MYH10: variants seen among roughly 807,000 people sequenced by gnomAD.
MYH10 encodes myosin-10.
In MYH10, 55 loss-of-function variants were observed where a neutral mutation model predicts 257.8. That is an observed-to-expected ratio of 0.21 (90% confidence interval 0.17 to 0.27). The LOEUF (loss-of-function observed/expected upper bound fraction) is 0.27. Ranked by LOEUF, MYH10 falls within the 10% of genes least tolerant of loss-of-function variation. The pLI is 1.00. For synonymous variants in MYH10, 854 were observed against 921.7 expected (o/e 0.93, Z 1.33); for missense variants, 1,631 against 2,500.6 (o/e 0.65, Z 7.42).
chr17:8,478,507 T>A, intron 40 of MYH10, 61 bp from the exon 41 acceptor site: 1 of 1,520,648 alleles, frequency 6.6e-7, no homozygotes, highest in Admixed American at 1.7e-5. Context: ...TGGGAAAAAA[T>A]ATTTTTTAAA....
intron 29 of MYH10, among the ~76,000 whole-genome samples, chr17:8,500,618 C>G (rs1003252109): frequency 2.3e-4 from 9 of 38,796 alleles, no homozygotes; most frequent in Admixed American, 7.4e-4. Context: ...GATCCATGCA[C>G]TTGCATCTGG....
chr17:8,530,155 T>C (rs972078259), intron 17 of MYH10, among the ~76,000 whole-genome samples: 1 of 152,188 alleles, frequency 6.6e-6, no homozygotes, highest in Admixed American at 6.5e-5. Flanking sequence ...ATGTAATTAT[T>C]TGTCTACAAA....
chr17:8,536,086 A>G (rs985652046), intron 14 of MYH10, among the ~76,000 whole-genome samples, 155 bp from the exon 15 acceptor site: 2 of 152,202 alleles, frequency 1.3e-5, no homozygotes, highest in African/African-American at 4.8e-5. Context: ...TAACAAGTTT[A>G]TAATTCAAAC....
intron 8 of MYH10, 45 bp downstream of exon 8, chr17:8,553,910 T>G (rs772700039): frequency 1.3e-6 from 2 of 1,518,472 alleles, no homozygotes; most frequent in Non-Finnish European, 1.8e-6. Flanking sequence ...GTAGGAAGAC[T>G]AAATCCTTCT....
At chr17:8,549,778 C>T (rs547809039) in intron 9 of MYH10, among the ~76,000 whole-genome samples, 90 of 152,148 alleles carry the variant, frequency 5.9e-4, no homozygotes, top group African/African-American at 1.9e-3. Flanking sequence ...GCTGCCATCT[C>T]GGCTCGCTGC....
chr17:8,531,548 TTC>T (rs1259758513), intron 16 of MYH10, among the ~76,000 whole-genome samples: 1 of 113,846 alleles, frequency 8.8e-6, no homozygotes, highest in African/African-American at 2.9e-5. Context: ...TCTACTTTTT[TTC>T]TTTTTCTTTT....
intron 33 of MYH10, 75 bp from the exon 34 acceptor site, chr17:8,492,584 A>C: frequency 1.4e-6 from 2 of 1,417,312 alleles, no homozygotes; most frequent in Non-Finnish European, 1.9e-6. Context: ...CATGTGGCTG[A>C]TTTATCGCTA....
rs371104756 is a variant in MYH10, at chr17:8,504,656, G to T, written c.3599+38C>A. 4 of 1,585,828 alleles carry T rather than the reference G, an allele frequency of 2.5e-6. No homozygotes were observed. Among genetic ancestry groups the T allele is most frequent in the Non-Finnish European group, 3.5e-6 (4 of 1,158,620 alleles). On this transcript the variant is annotated intron_variant, in intron 28 of 42. Transcript: ENST00000360416. This position sits in a 1 kb window ranked among gnomAD's most constrained non-coding sequence, Gnocchi z 5.6. ...TCTGCACGGGCTCGGTGGAGAGGTC[G>T]GCAGGCGCCCGGGCCCTGCTTCCTC...
At chr17:8,501,894 C>T (rs1416578012) in intron 28 of MYH10, among the ~76,000 whole-genome samples, 1 of 152,110 alleles carries the variant, frequency 6.6e-6, no homozygotes, top group African/African-American at 2.4e-5. Context: ...CTTGAATAAC[C>T]AGAGTTATTC....
Position 8,493,765 on chromosome 17 carries a change from G to C in MYH10, c.4177C>G (p.Leu1393Val), listed in dbSNP as rs763487706. 1.2e-6 allele frequency: 2 copies of C among 1,613,994 alleles called. No individual in the cohort carries two copies. The highest frequency in any genetic ancestry group is 1.7e-6 in the Non-Finnish European group (2 of 1,179,976). ...QEEEEEARKN[L>V]EKQVLALQSQ... ...TGCAGGGCCAGCACTTGCTTCTCCAGGTTCTTCCTGGCCTCCTCCTCCTCC... is the reference window on the plus strand; with the variant it reads ...TGCAGGGCCAGCACTTGCTTCTCCACGTTCTTCCTGGCCTCCTCCTCCTCC... The change falls in exon 32 of 43, where the codon CTG becomes GTG. Residue 1393 changes from leucine to valine, a missense_variant. Leu to Val is a conservative substitution (Grantham distance 32). Coordinates refer to ENST00000360416, the MANE Select transcript of MYH10 (RefSeq NM_001256012.3).
At chr17:8,496,107 T>C in intron 30 of MYH10, among the ~76,000 whole-genome samples, 1 of 152,352 alleles carries the variant, frequency 6.6e-6, no homozygotes, top group East Asian at 1.9e-4. Flanking sequence ...ATTTTTTTCT[T>C]CGCAATTAAT....
At chr17:8,629,952 C>T (rs2085843996) in intron 1 of MYH10, among the ~76,000 whole-genome samples, 1 of 151,920 alleles carries the variant, frequency 6.6e-6, no homozygotes, top group Non-Finnish European at 1.5e-5. Flanking sequence ...CCTCACCCGC[C>T]GCGCGCTTCC....
At chr17:8,507,389 T>C (rs906513765) in intron 26 of MYH10, among the ~76,000 whole-genome samples, 2 of 152,344 alleles carry the variant, frequency 1.3e-5, no homozygotes, top group East Asian at 1.9e-4. Flanking sequence ...CCCCTGGTGA[T>C]GGTACCAGTC....
chr17:8,592,816 GA>G (rs67151329), intron 3 of MYH10, among the ~76,000 whole-genome samples: 46 of 30,416 alleles, frequency 1.5e-3, no homozygotes, highest in African/African-American at 1.7e-3. Flanking sequence ...AATGAAATCA[GA>G]AAAAAAAAAA....
At chr17:8,497,356 C>T (rs1005676855) in intron 30 of MYH10, among the ~76,000 whole-genome samples, 2 of 152,120 alleles carry the variant, frequency 1.3e-5, no homozygotes, top group Admixed American at 6.5e-5. Context: ...CATAGAAGTC[C>T]GTATTAAACA....
rs761831948 is a variant in MYH10, at chr17:8,521,121, G to A, written c.2122C>T (p.Arg708Cys). 1.2e-6 allele frequency: 2 copies of A among 1,614,182 alleles called. No homozygotes were observed. Among genetic ancestry groups the A allele is most frequent in the Admixed American group, 1.7e-5 (1 of 60,022 alleles). ...TTCTCGTGATTTGGAATGATACAAC[G>A]AACAAAGTTAGGGTTGGTGTTTCGG... Reference protein sequence around the residue: ...TLRNTNPNFVRCIIPNHEKRA... With the variant: ...TLRNTNPNFVCCIIPNHEKRA... Residue 708 changes from arginine to cysteine, a missense_variant, in exon 18 of 43, where the codon CGT (arginine) becomes TGT (cysteine). This residue lies in a region of MYH10 where 96 missense variants were observed against 146.2 expected (regional missense o/e 0.66). Transcript: ENST00000360416.
intron 7 of MYH10, 191 bp from the exon 8 acceptor site, chr17:8,554,209 C>A: frequency 2.5e-6 from 1 of 396,112 alleles, no homozygotes; most frequent in South Asian, 3.9e-5. Context: ...ACAGAATAGG[C>A]TATTTTCCTG....
intron 2 of MYH10, among the ~76,000 whole-genome samples, chr17:8,622,403 C>T (rs777084661): frequency 6.6e-6 from 1 of 152,186 alleles, no homozygotes; most frequent in African/African-American, 2.4e-5. Flanking sequence ...CTCAATCTTA[C>T]CCTAATTGTT....
At chr17:8,533,606 T>C (rs969818642) in intron 16 of MYH10, among the ~76,000 whole-genome samples, 1 of 152,198 alleles carries the variant, frequency 6.6e-6, no homozygotes. Context: ...CAGGAGATGT[T>C]AGCTTTCATT....
Sources: gnomAD v4.1 joint callset for allele counts (sites outside exome capture counted in the v4.1 genomes callset) on GRCh38, gnomAD v4.1.1 for gene constraint, gnomAD v4.1.1 regional missense constraint, Gnocchi (gnomAD v3.1) non-coding constraint, MANE v1.5 for transcripts, NCBI Gene and HGNC (gene_info 2026-07-23, HGNC 2026-07-21) for gene names.